Variants in BRWD1 observed in about 807,000 individuals in gnomAD.
BRWD1 encodes the protein bromodomain and WD repeat-containing protein 1.
In BRWD1, 82 loss-of-function variants were observed where a neutral mutation model predicts 251.2. The observed-to-expected ratio is 0.33, with a 90% CI of 0.27 to 0.39. The LOEUF (loss-of-function observed/expected upper bound fraction) is 0.39. Among genes scored for constraint, BRWD1 ranks in the 10% least tolerant of loss-of-function variants. BRWD1 has a pLI of 1.00. For synonymous variants in BRWD1, 918 were observed against 902.8 expected (o/e 1.02, Z -0.30); for missense variants, 2,233 against 2,711.6 (o/e 0.82, Z 3.92).
At position 39,312,827 on chromosome 21, in the gene BRWD1, T is replaced by C; in HGVS notation, c.198+14A>G. The C allele has an allele frequency of 6.3e-7, 1 of 1,580,648 alleles. No individual in the cohort carries two copies. The highest frequency in any genetic ancestry group is 8.6e-7 in the Non-Finnish European group (1 of 1,164,474). On this transcript the variant is annotated intron_variant, in intron 4 of 40. Coordinates refer to ENST00000342449, the MANE Select transcript of BRWD1 (RefSeq NM_033656.4). ...GCACGGAAAACCCGGGGAGCAAACG[T>C]GCCCAATGCTCACCAACTCCTCGTA...
In BRWD1 at chr21:39,313,599, C is replaced by T. The variant is rs1328883279; in HGVS notation, c.-108G>A. 40 of 854,694 alleles carry T rather than the reference C, an allele frequency of 4.7e-5. No individual in the cohort carries two copies. In the South Asian group the frequency reaches 9.0e-4, roughly 19 times the overall value. The allele number at this position is 854,694 out of a possible 1,614,324, so 52.9% of individuals were successfully genotyped here. A position where few individuals can be genotyped will look rare whatever the true frequency, so the allele number is the denominator to read the frequency against. Reference sequence around the variant, plus strand: ...CCTCTTCTCAGGCGCGCGCCGCCGCCGCCGCCGCCGCCGCCATACCGTGCG... The same window carrying T: ...CCTCTTCTCAGGCGCGCGCCGCCGCTGCCGCCGCCGCCGCCATACCGTGCG... On this transcript the variant is annotated 5_prime_UTR_variant, in exon 1 of 41. Transcript: ENST00000342449.
In BRWD1 at chr21:39,188,583, CAGATG is replaced by C; in HGVS notation, c.*7671_*7675del. On this transcript the variant is annotated 3_prime_UTR_variant, in exon 41 of 41. Transcript: ENST00000342449. ...TTCTGTCACAAAGCTGACTGAAGGGCAGATGAGTACAGGTAAAAACTGCTTCTGTG... is the reference window on the plus strand; with the variant it reads ...TTCTGTCACAAAGCTGACTGAAGGGCAGTACAGGTAAAAACTGCTTCTGTG... 6 of 985,372 alleles carry C rather than the reference CAGATG, an allele frequency of 6.1e-6. No individual in the cohort carries two copies. Among genetic ancestry groups the C allele is most frequent in the Non-Finnish European group, 7.2e-6 (6 of 829,904 alleles). The allele number at this position is 985,372 out of a possible 1,614,324, so 61.0% of individuals were successfully genotyped here.
Position 39,195,885 on chromosome 21 carries a change from A to G in BRWD1, c.*374T>C. The stretch of plus-strand genomic sequence containing the variant: ...TAACTACTATAGAACAGGGGTTAGA[A>G]ACTACTGCCTCTTTGACAAATTCAG... On this transcript the variant is annotated 3_prime_UTR_variant, in exon 41 of 41. Transcript: ENST00000342449. 7.0e-6 allele frequency: 7 copies of G among 1,001,082 alleles called. No homozygotes were observed. The highest frequency in any genetic ancestry group is 8.3e-6 in the Non-Finnish European group (7 of 840,828). 62.0% of individuals were successfully genotyped at this position (1,001,082 alleles called of 1,614,324 possible). A position where few individuals can be genotyped will look rare whatever the true frequency, so the allele number is the denominator to read the frequency against.
Position 39,299,259 on chromosome 21 carries a change from A to AT in BRWD1, c.199-678_199-677insA, listed in dbSNP as rs924783873. Reference sequence around the variant, plus strand: ...AACTCGCCTGTCTCAAAAAAAAAAAAATATATATATATGCTAACTGGCCTG... The same window carrying AT: ...AACTCGCCTGTCTCAAAAAAAAAAAATATATATATATATGCTAACTGGCCTG... On this transcript the variant is annotated intron_variant, in intron 4 of 40. Transcript: ENST00000342449. Among the ~76,000 whole-genome samples, 30 of 126,260 alleles carry AT rather than the reference A, an allele frequency of 2.4e-4. 1 individual carries two copies. The highest frequency in any genetic ancestry group is 1.3e-3 in the South Asian group (5 of 3,802). The allele number at this position is 126,260 out of a possible 152,430, so 82.8% of individuals were successfully genotyped here. A position where few individuals can be genotyped will look rare whatever the true frequency, so the allele number is the denominator to read the frequency against.
In BRWD1 at chr21:39,194,100, T is replaced by A. The variant is rs1214056716; in HGVS notation, c.*2159A>T. 16 of 985,438 alleles carry A rather than the reference T, an allele frequency of 1.6e-5. No individual in the cohort carries two copies. The highest frequency in any genetic ancestry group is 1.8e-5 in the Non-Finnish European group (15 of 829,900). 61.0% of individuals were successfully genotyped at this position (985,438 alleles called of 1,614,324 possible). ...ACTTCTGTATGCAAGGGTCTAACTA[T>A]TTTGGACTGAAAGAAAAAATGGTAA... is the stretch of plus-strand genomic sequence containing the variant. On this transcript the variant is annotated 3_prime_UTR_variant, in exon 41 of 41. Transcript: ENST00000342449.
At chr21:39,247,093 C>T (rs1260116068) in intron 21 of BRWD1, among the ~76,000 whole-genome samples, 1 of 149,112 alleles carries the variant, frequency 6.7e-6, no homozygotes, top group South Asian at 2.1e-4. Context: ...AAAAAAAGGG[C>T]CCATTCATAT....
intron 17 of BRWD1, among the ~76,000 whole-genome samples, chr21:39,262,834 G>A (rs1012690941): frequency 3.3e-5 from 5 of 152,186 alleles, no homozygotes; most frequent in African/African-American, 1.2e-4. Flanking sequence ...CAGGTCCTGG[G>A]GACTTTTGGG....
At position 39,188,707 on chromosome 21, in the gene BRWD1, T is replaced by C; in HGVS notation, c.*7552A>G. 1.0e-6 allele frequency: 1 copy of C among 985,406 alleles called. No homozygotes were observed. 61.0% of individuals were successfully genotyped at this position (985,406 alleles called of 1,614,324 possible). On this transcript the variant is annotated 3_prime_UTR_variant, in exon 41 of 41. Coordinates refer to ENST00000342449, the MANE Select transcript of BRWD1 (RefSeq NM_033656.4). ...TTTTCCCTAAGTCTATGAAACTGAT[T>C]TCACACTTCTCTAAGATCAGTTGAG...
chr21:39,279,198 TAA>T (rs1474463690), intron 9 of BRWD1, among the ~76,000 whole-genome samples: 1 of 152,216 alleles, frequency 6.6e-6, no homozygotes, highest in African/African-American at 2.4e-5. Context: ...ACTTTCATAT[TAA>T]GTCTTTGAAA....
At chr21:39,306,131 G>C (rs1305719743) in intron 4 of BRWD1, among the ~76,000 whole-genome samples, 1 of 149,834 alleles carries the variant, frequency 6.7e-6, no homozygotes, top group Non-Finnish European at 1.5e-5. Context: ...GTGCAGTGGT[G>C]CAATCTTGGC....
chr21:39,223,232 A>G (rs1211402581), intron 29 of BRWD1, among the ~76,000 whole-genome samples: 1 of 152,212 alleles, frequency 6.6e-6, no homozygotes, highest in Non-Finnish European at 1.5e-5. Flanking sequence ...AGGGAAATAT[A>G]GGTATTCAGA....
At chr21:39,297,483 A>T in intron 5 of BRWD1, 1 of 826,532 alleles carries the variant, frequency 1.2e-6, no homozygotes, top group Non-Finnish European at 1.5e-6. Context: ...ACAAGTAAAG[A>T]AAACAAAGGA....
chr21:39,251,712 C>T (rs1049694340), intron 19 of BRWD1, among the ~76,000 whole-genome samples: 5 of 152,200 alleles, frequency 3.3e-5, no homozygotes, highest in Non-Finnish European at 7.3e-5. Context: ...CTCAACCTTT[C>T]ACAGGTTGTC....
At chr21:39,305,207 C>T (rs557911271) in intron 4 of BRWD1, among the ~76,000 whole-genome samples, 2 of 152,060 alleles carry the variant, frequency 1.3e-5, no homozygotes, top group Admixed American at 6.6e-5. Context: ...GATCTGCCCG[C>T]CTTGGCCCCC....
At position 39,278,661 on chromosome 21, in the gene BRWD1, T is replaced by C. The variant is rs1347922276; in HGVS notation, c.1003+82A>G. 1.5e-5 allele frequency: 16 copies of C among 1,034,484 alleles called. No individual in the cohort carries two copies. In the East Asian group the frequency reaches 3.1e-4, roughly 20 times the overall value. The allele number at this position is 1,034,484 out of a possible 1,614,324, so 64.1% of individuals were successfully genotyped here. A position where few individuals can be genotyped will look rare whatever the true frequency, so the allele number is the denominator to read the frequency against. ...CAGAAGTCATTTACCATGTAGCTAA[T>C]AAAAGTTCTTAGCAACCAAGTGGTC... On this transcript the variant is annotated intron_variant, in intron 10 of 40. Transcript: ENST00000342449.
intron 13 of BRWD1, among the ~76,000 whole-genome samples, chr21:39,273,620 A>AGCTACTTGGAAG (rs1390977719): frequency 2.0e-5 from 3 of 152,024 alleles, no homozygotes; most frequent in Non-Finnish European, 4.4e-5. Context: ...TCATAGTCCC[A>AGCTACTTGGAAG]GCTACTTGGA....
At chr21:39,287,077 G>A (rs1294361043) in intron 8 of BRWD1, among the ~76,000 whole-genome samples, 2 of 152,094 alleles carry the variant, frequency 1.3e-5, no homozygotes, top group African/African-American at 2.4e-5. Context: ...AATCCTTAGT[G>A]TGTATCTCCT....
intron 19 of BRWD1, among the ~76,000 whole-genome samples, chr21:39,252,829 C>T (rs2034440111): frequency 6.6e-6 from 1 of 152,166 alleles, no homozygotes; most frequent in South Asian, 2.1e-4. Context: ...GAGTTATAAG[C>T]AGAAATGCCA....
chr21:39,202,980 G>T (rs2032186752), intron 37 of BRWD1, among the ~76,000 whole-genome samples: 2 of 152,022 alleles, frequency 1.3e-5, no homozygotes, highest in South Asian at 4.1e-4. Flanking sequence ...ACCTAAACAG[G>T]AAAAGTTAAA....
Sources: allele counts gnomAD v4.1 joint callset (sites outside exome capture counted in the v4.1 genomes callset), GRCh38; gene constraint gnomAD v4.1.1; transcripts MANE v1.5; gene names NCBI Gene and HGNC (gene_info 2026-07-23, HGNC 2026-07-21).